Variants in ZNF714 observed in about 807,000 individuals in gnomAD.
ZNF714 encodes zinc finger protein 714.
ZNF714 carries 32 observed loss-of-function variants against 46.2 expected under a neutral mutation model. The observed-to-expected ratio is 0.69, with a 90% CI of 0.52 to 0.93. The LOEUF (loss-of-function observed/expected upper bound fraction) is 0.93, where lower values mean the gene tolerates loss of function less well. Ranked by LOEUF, ZNF714 falls within the 40% of genes least tolerant of loss-of-function variation. The pLI, the probability that ZNF714 is intolerant of heterozygous loss-of-function variation, is 0.00. For synonymous variants in ZNF714, 199 were observed against 213.1 expected (o/e 0.93, Z 0.58); for missense variants, 635 against 646.3 (o/e 0.98, Z 0.19).
chr19:21,096,654 A>G (rs1404507384), intron 2 of ZNF714, among the ~76,000 whole-genome samples: 1 of 152,154 alleles, frequency 6.6e-6, no homozygotes, highest in Admixed American at 6.6e-5. Context: ...CCTACCATGA[A>G]TTTATGATCT....
rs1159637600 is a variant in ZNF714, at chr19:21,118,557, T to A, written c.*225T>A. On this transcript the variant is annotated 3_prime_UTR_variant, in exon 5 of 5. Transcript: ENST00000456283. ...CAGTCCTCGAACCTTTTTAAGAAAA[T>A]AATTTATACTGGAGAGAAATTCTAC... The A allele has an allele frequency of 3.6e-6, 1 of 276,772 alleles. No homozygotes were observed. The highest frequency in any genetic ancestry group is 7.1e-6 in the Non-Finnish European group (1 of 140,740). The allele number at this position is 276,772 out of a possible 1,614,324, so 17.1% of individuals were successfully genotyped here.
intron 4 of ZNF714, among the ~76,000 whole-genome samples, chr19:21,100,903 G>T (rs1969163024): frequency 6.6e-6 from 1 of 151,996 alleles, no homozygotes; most frequent in South Asian, 2.1e-4. Context: ...TAGAGACAGG[G>T]TTTCACTATG....
At chr19:21,088,852 T>C (rs527252615) in intron 2 of ZNF714, among the ~76,000 whole-genome samples, 12 of 152,260 alleles carry the variant, frequency 7.9e-5, no homozygotes, top group Admixed American at 4.6e-4. Flanking sequence ...GGATTCCCCC[T>C]AAATTAAGGC....
At chr19:21,111,535 G>T (rs1177215753) in intron 4 of ZNF714, among the ~76,000 whole-genome samples, 2 of 151,982 alleles carry the variant, frequency 1.3e-5, no homozygotes, top group Non-Finnish European at 2.9e-5. Flanking sequence ...GCAAGCTTCT[G>T]CAGACAGAAG....
chr19:21,104,657 C>G (rs1568278366), intron 4 of ZNF714, among the ~76,000 whole-genome samples: 1 of 151,164 alleles, frequency 6.6e-6, no homozygotes, highest in African/African-American at 2.4e-5. Context: ...CTGTTATCAC[C>G]CAGGCTGGAG....
intron 4 of ZNF714, among the ~76,000 whole-genome samples, chr19:21,099,490 A>G (rs1184743848): frequency 6.6e-6 from 1 of 151,920 alleles, no homozygotes; most frequent in African/African-American, 2.4e-5. Flanking sequence ...GGAAAACTCT[A>G]TGTTACATTA....
chr19:21,095,574 T>C (rs1360148096), intron 2 of ZNF714, among the ~76,000 whole-genome samples: 1 of 151,920 alleles, frequency 6.6e-6, no homozygotes, highest in African/African-American at 2.4e-5. Flanking sequence ...GCCATTCTCC[T>C]GCCTCAGCCT....
intron 4 of ZNF714, among the ~76,000 whole-genome samples, chr19:21,111,549 G>T (rs1599550620): frequency 6.6e-6 from 1 of 151,766 alleles, no homozygotes; most frequent in Middle Eastern, 3.4e-3. Context: ...ACAGAAGTTT[G>T]ACTTCCTAAT....
At chr19:21,086,887 G>A (rs1270346380) in intron 2 of ZNF714, among the ~76,000 whole-genome samples, 1 of 152,138 alleles carries the variant, frequency 6.6e-6, no homozygotes, top group African/African-American at 2.4e-5. Flanking sequence ...GAACAGGGGT[G>A]ATGATATTTT....
At chr19:21,094,512 G>T (rs1028402714) in intron 2 of ZNF714, among the ~76,000 whole-genome samples, 2 of 152,044 alleles carry the variant, frequency 1.3e-5, no homozygotes, top group Non-Finnish European at 2.9e-5. Flanking sequence ...CATTTTCTCT[G>T]CAACCTTACC....
chr19:21,111,720 T>C (rs538788498), intron 4 of ZNF714, among the ~76,000 whole-genome samples: 1 of 152,332 alleles, frequency 6.6e-6, no homozygotes, highest in East Asian at 1.9e-4. Context: ...TGTGAGTTTG[T>C]CATAGATAGT....
intron 1 of ZNF714, 98 bp from the exon 2 acceptor site, chr19:21,083,880 G>C: frequency 2.0e-6 from 1 of 510,244 alleles, no homozygotes; most frequent in Non-Finnish European, 2.9e-6. Flanking sequence ...CTGGTCGTGG[G>C]TTTCAGTACT....
In ZNF714 at chr19:21,117,440, G is replaced by T. The variant is rs1482812571; in HGVS notation, c.776G>T (p.Cys259Phe). 1.2e-6 allele frequency: 2 copies of T among 1,612,684 alleles called. No individual in the cohort carries two copies. The highest frequency in any genetic ancestry group is 1.7e-6 in the Non-Finnish European group (2 of 1,179,296). Residue 259 changes from cysteine (C) to phenylalanine (F), a missense_variant, in exon 5 of 5, where the codon TGT becomes TTT. Physicochemically the swap from Cys to Phe is radical, Grantham distance 205. Transcript: ENST00000456283. ...CATACTGGAGAGAAGCCCTTCAAAT[G>T]TGAAGAATGTGGTAAAGCTTTTAAC... ...VIHTGEKPFK[C>F]EECGKAFNHP... is the part of the protein sequence containing the mutation.
chr19:21,089,909 C>G, intron 2 of ZNF714, among the ~76,000 whole-genome samples: 1 of 151,876 alleles, frequency 6.6e-6, no homozygotes, highest in Non-Finnish European at 1.5e-5. Flanking sequence ...ACCCTTTTGC[C>G]AGCATGCCAG....
intron 4 of ZNF714, among the ~76,000 whole-genome samples, chr19:21,112,240 T>G (rs1419926248): frequency 1.3e-5 from 2 of 152,178 alleles, no homozygotes; most frequent in Non-Finnish European, 2.9e-5. Flanking sequence ...GGTAGGCTAT[T>G]GGCTATTTGT....
At position 21,124,432 on chromosome 19, in the gene ZNF714, A is replaced by G. The variant is rs186628226; in HGVS notation, c.*6100A>G. 1.9e-3 allele frequency among the ~76,000 whole-genome samples: 291 copies of G among 152,354 alleles called. 5 individuals are homozygous for G. Among genetic ancestry groups the G allele is most frequent in the Non-Finnish European group, 3.1e-4 (21 of 68,026 alleles). On this transcript the variant is annotated 3_prime_UTR_variant, in exon 5 of 5. Coordinates refer to ENST00000456283, the MANE Select transcript of ZNF714 (RefSeq NM_182515.4). ...TCCCCAAACTATGTATTTTCATACTATTTAGCCAAAGTAATCACAAAGACA... is the reference window on the plus strand; with the variant it reads ...TCCCCAAACTATGTATTTTCATACTGTTTAGCCAAAGTAATCACAAAGACA...
At chr19:21,110,239 C>T (rs1200719035) in intron 4 of ZNF714, among the ~76,000 whole-genome samples, 1 of 152,216 alleles carries the variant, frequency 6.6e-6, no homozygotes, top group Non-Finnish European at 1.5e-5. Context: ...TCTATTTCTC[C>T]ATAGCCTCAC....
chr19:21,082,678 G>A (rs1968683064), intron 1 of ZNF714, among the ~76,000 whole-genome samples: 1 of 122,422 alleles, frequency 8.2e-6, no homozygotes, highest in African/African-American at 2.8e-5. Flanking sequence ...CTGACTCGGG[G>A]TGCGGGTTTA....
chr19:21,123,894 C>T lies in ZNF714; in HGVS notation c.*5562C>T, dbSNP rs1969750226. On this transcript the variant is annotated 3_prime_UTR_variant, in exon 5 of 5. Transcript: ENST00000456283. ...TTATTTTTAGTCACCAAGCTGTAGC[C>T]AACTCCTGGGTCATTTTCTCTGAAA... 1 of 151,998 alleles carries T rather than the reference C, an allele frequency of 6.6e-6. No homozygotes were observed. The allele number at this position is 151,998 out of a possible 1,614,324, so 9.4% of individuals were successfully genotyped here. A position where few individuals can be genotyped will look rare whatever the true frequency, so the allele number is the denominator to read the frequency against.
Sources: gnomAD v4.1 joint callset for allele counts (sites outside exome capture counted in the v4.1 genomes callset) on GRCh38, gnomAD v4.1.1 for gene constraint, MANE v1.5 for transcripts, NCBI Gene and HGNC (gene_info 2026-07-23, HGNC 2026-07-21) for gene names.